LOC400499: variants seen among roughly 807,000 people sequenced by gnomAD.
the LOC400499 span, among the ~76,000 whole-genome samples, chr16:11,480,733 C>G: frequency 6.6e-6 from 1 of 152,148 alleles, no homozygotes; most frequent in Non-Finnish European, 1.5e-5. Flanking sequence ...GAAAGCAGGC[C>G]CAAGAGTCTT....
chr16:11,485,749 G>A, the LOC400499 span, among the ~76,000 whole-genome samples: 2 of 152,032 alleles, frequency 1.3e-5, no homozygotes, highest in East Asian at 3.9e-4. Context: ...TTTCCATCCA[G>A]ACATCTCTGA....
the LOC400499 span, chr16:11,439,361 C>A: frequency 2.5e-6 from 1 of 395,974 alleles, no homozygotes; most frequent in Non-Finnish European, 4.4e-6. Flanking sequence ...CACAACATTG[C>A]AAGTGTGGGC....
chr16:11,516,580 C>T, the LOC400499 span, among the ~76,000 whole-genome samples: 3 of 152,180 alleles, frequency 2.0e-5, no homozygotes, highest in Non-Finnish European at 2.9e-5. Flanking sequence ...GCTGAGACCC[C>T]AAGAGCTGCC....
chr16:11,463,063 G>C, the LOC400499 span, among the ~76,000 whole-genome samples: 1 of 152,286 alleles, frequency 6.6e-6, no homozygotes, highest in African/African-American at 2.4e-5. Context: ...CAAAGTCCTT[G>C]TGAAGGCCAG....
chr16:11,424,395 C>A, the LOC400499 span: 50 of 399,056 alleles, frequency 1.3e-4, no homozygotes, highest in Non-Finnish European at 1.3e-5. Context: ...AGAGACCACT[C>A]ACCCCAGTCC....
At chr16:11,386,252 G>A in the LOC400499 span, among the ~76,000 whole-genome samples, 1 of 152,190 alleles carries the variant, frequency 6.6e-6, no homozygotes, top group Admixed American at 6.5e-5. Flanking sequence ...TGTGGCTTGG[G>A]GGTGGGGGTG....
chr16:11,511,965 T>C, the LOC400499 span, among the ~76,000 whole-genome samples: 1 of 152,038 alleles, frequency 6.6e-6, no homozygotes, highest in Non-Finnish European at 1.5e-5. Flanking sequence ...TACCATTGCA[T>C]TCCAGCCTGG....
the LOC400499 span, chr16:11,424,351 G>GA: frequency 5.0e-6 from 2 of 399,628 alleles, no homozygotes; most frequent in Admixed American, 8.8e-5. Flanking sequence ...AGTCCTGGGG[G>GA]AAGAGGCCAG....
the LOC400499 span, among the ~76,000 whole-genome samples, chr16:11,431,608 G>T: frequency 6.6e-6 from 1 of 152,154 alleles, no homozygotes; most frequent in African/African-American, 2.4e-5. Flanking sequence ...GTTTCACCAC[G>T]TTGCCCAGGC....
the LOC400499 span, among the ~76,000 whole-genome samples, chr16:11,452,021 T>C: frequency 5.4e-3 from 826 of 152,278 alleles, 13 homozygotes; most frequent in African/African-American, 0.019. Context: ...CCCACCGGTC[T>C]GCACATGCCC....
At chr16:11,392,561 T>C in the LOC400499 span, 114,923 of 396,318 alleles carry the variant, frequency 0.29, 17,010 homozygotes, top group Non-Finnish European at 0.31. Flanking sequence ...CCACTCCCCC[T>C]CCACCGCTTT....
At chr16:11,429,213 C>T in the LOC400499 span, among the ~76,000 whole-genome samples, 6 of 152,146 alleles carry the variant, frequency 3.9e-5, no homozygotes, top group African/African-American at 1.4e-4. Context: ...GTAGCATCCC[C>T]TGGTACTGTC....
At chr16:11,520,524 G>A in the LOC400499 span, among the ~76,000 whole-genome samples, 2 of 152,186 alleles carry the variant, frequency 1.3e-5, no homozygotes, top group African/African-American at 4.8e-5. Flanking sequence ...AGGCGTGGCG[G>A]AGCGCACCAT....
the LOC400499 span, chr16:11,514,454 G>T: frequency 1.0e-5 from 4 of 399,156 alleles, no homozygotes; most frequent in Non-Finnish European, 1.8e-5. Flanking sequence ...AAGTGGCCCC[G>T]CGGAGTCCAG....
At chr16:11,431,318 G>A in the LOC400499 span, 1 of 398,434 alleles carries the variant, frequency 2.5e-6, no homozygotes, top group Non-Finnish European at 4.4e-6. Flanking sequence ...TCACTAACAG[G>A]ATGACCTGGG....
the LOC400499 span, among the ~76,000 whole-genome samples, chr16:11,517,951 G>A: frequency 1.3e-5 from 2 of 152,268 alleles, no homozygotes; most frequent in South Asian, 4.1e-4. Flanking sequence ...ACCTTCCAGG[G>A]GGGCAGCGGT....
the LOC400499 span, chr16:11,399,182 T>G: frequency 1.0e-6 from 1 of 983,614 alleles, no homozygotes. Context: ...CCGATCTCCC[T>G]CCGCCCCCTC....
the LOC400499 span, among the ~76,000 whole-genome samples, chr16:11,395,836 A>T: frequency 2.0e-5 from 3 of 152,176 alleles, no homozygotes; most frequent in African/African-American, 7.2e-5. Flanking sequence ...CTACGCAGGC[A>T]GCGGGAACCG....
chr16:11,382,070 G>T, the LOC400499 span, among the ~76,000 whole-genome samples: 1 of 151,966 alleles, frequency 6.6e-6, no homozygotes. Context: ...CATAGTTGCT[G>T]GGATTACAGG....
Sources: gnomAD v4.1 joint callset for allele counts (sites outside exome capture counted in the v4.1 genomes callset) on GRCh38, gnomAD v4.1.1 for gene constraint, MANE v1.5 for transcripts.